Variants in CDH3 observed in about 807,000 individuals in gnomAD.
CDH3 encodes the protein cadherin 3.
A neutral mutation model predicts 82.0 loss-of-function variants in CDH3; 54 were observed. The observed-to-expected ratio is 0.66, with a 90% confidence interval of 0.53 to 0.83. The LOEUF is 0.83. CDH3 is among the 40% of genes least tolerant of loss of function. CDH3 has a pLI of 0.00. For synonymous variants in CDH3, 446 were observed against 437.9 expected (o/e 1.02, Z -0.23); for missense variants, 1,054 against 1,084.6 (o/e 0.97, Z 0.40).
intron 1 of CDH3, among the ~76,000 whole-genome samples, chr16:68,706,225 G>A (rs977196069): frequency 6.6e-6 from 1 of 152,140 alleles, no homozygotes. Flanking sequence ...ACAGTGATTG[G>A]GAGAGCCAGA....
intron 2 of CDH3, among the ~76,000 whole-genome samples, chr16:68,655,314 A>G (rs1960383888): frequency 6.6e-6 from 1 of 152,198 alleles, no homozygotes; most frequent in Admixed American, 6.5e-5. Context: ...ATGGTCATTC[A>G]GCCAACAAAT....
At chr16:68,683,314 T>G (rs1178765591) in intron 9 of CDH3, among the ~76,000 whole-genome samples, 2 of 152,100 alleles carry the variant, frequency 1.3e-5, no homozygotes, top group African/African-American at 2.4e-5. Context: ...ATAACTAACC[T>G]AACTCATTAT....
chr16:68,667,320 T>C (rs1307110607), intron 2 of CDH3, among the ~76,000 whole-genome samples: 2 of 152,200 alleles, frequency 1.3e-5, no homozygotes, highest in Non-Finnish European at 1.5e-5. Context: ...AATAGAAATT[T>C]CCTAGGCAAT....
chr16:68,656,503 T>C (rs763044295), intron 2 of CDH3, among the ~76,000 whole-genome samples: 1 of 151,712 alleles, frequency 6.6e-6, no homozygotes, highest in Non-Finnish European at 1.5e-5. Context: ...CTATGTACTT[T>C]ATGTAATAAG....
intron 15 of CDH3, chr16:68,696,946 A>T (rs945303412): frequency 6.7e-6 from 1 of 149,998 alleles, no homozygotes; most frequent in Non-Finnish European, 1.5e-5. Flanking sequence ...CCATGCCTCG[A>T]CCTCACATGC....
downstream of CDH3, among the ~76,000 whole-genome samples, chr16:68,731,990 C>T (rs982196634): frequency 6.6e-6 from 1 of 151,564 alleles, no homozygotes; most frequent in Non-Finnish European, 1.5e-5. Context: ...CCTGTGGTTT[C>T]ATTATACTAT....
At chr16:68,721,334 A>T (rs150394385) in intron 1 of CDH3, among the ~76,000 whole-genome samples, 1 of 144,108 alleles carries the variant, frequency 6.9e-6, no homozygotes, top group East Asian at 2.1e-4. Flanking sequence ...CCCAGTTTCC[A>T]GCAATTCTCC....
At chr16:68,713,552 G>T (rs1962057850) in intron 1 of CDH3, among the ~76,000 whole-genome samples, 1 of 152,010 alleles carries the variant, frequency 6.6e-6, no homozygotes, top group Non-Finnish European at 1.5e-5. Context: ...GAGCCTCCCA[G>T]CTGTGCTCCC....
chr16:68,683,765 A>T (rs954505875), intron 9 of CDH3, among the ~76,000 whole-genome samples: 1 of 149,120 alleles, frequency 6.7e-6, no homozygotes, highest in Non-Finnish European at 1.5e-5. Flanking sequence ...GTCTACGCTA[A>T]AAGTATAAAA....
At chr16:68,730,151 T>A (rs1962268799), downstream of CDH3, among the ~76,000 whole-genome samples, 1 of 151,716 alleles carries the variant, frequency 6.6e-6, no homozygotes, top group South Asian at 2.1e-4. Flanking sequence ...GAGGAACGCT[T>A]GCACCTGGGA....
intron 3 of CDH3, among the ~76,000 whole-genome samples, chr16:68,676,798 C>T (rs1427655739): frequency 6.6e-6 from 1 of 152,246 alleles, no homozygotes; most frequent in Non-Finnish European, 1.5e-5. Context: ...TTAACCCCAA[C>T]TGAAAGCAGC....
Position 68,698,385 on chromosome 16 carries a change from C to T in CDH3, c.2475C>T (p.Gly825=), listed in dbSNP as rs543214840. 125 of 1,614,008 alleles carry T rather than the reference C, an allele frequency of 7.7e-5. No individual in the cohort carries two copies. The highest frequency in any genetic ancestry group is 9.0e-5 in the Non-Finnish European group (106 of 1,179,968). The change falls in exon 16 of 16, where the codon GGC becomes GGT. Residue 825 remains glycine (G), a synonymous_variant. Transcript: ENST00000264012. ...AGAAGCTGGCAGACATGTACGGTGG[C>T]GGGGAGGACGACTAGGCGGCCTGCC... ...RFKKLADMYG[G]GEDD is the part of the protein sequence containing the mutation.
rs576298212 is a variant in CDH3 at position 68,646,667 on chromosome 16, T to C, written c.160+917T>C. On this transcript the variant is annotated intron_variant, in intron 2 of 15. Coordinates refer to ENST00000264012, the MANE Select transcript of CDH3 (RefSeq NM_001793.6). ...AATGGATGGGGGCTCCAGCAAGGGT[T>C]GAAACCTAGTTCTTAAACGGGTATA... Among the ~76,000 whole-genome samples, 11 of 66,360 alleles carry C rather than the reference T, an allele frequency of 1.7e-4. 1 individual carries two copies. The South Asian group carries it at 6.0e-3, about 36-fold the overall frequency. 43.5% of individuals were successfully genotyped at this position (66,360 alleles called of 152,430 possible).
At chr16:68,728,117 G>A (rs1255421351), downstream of CDH3, among the ~76,000 whole-genome samples, 8 of 151,956 alleles carry the variant, frequency 5.3e-5, no homozygotes, top group Non-Finnish European at 8.8e-5. Flanking sequence ...TAAATAAAAC[G>A]ATAAGTGTTT....
downstream of CDH3, among the ~76,000 whole-genome samples, chr16:68,731,385 A>T (rs1191879042): frequency 8.6e-4 from 8 of 9,350 alleles, no homozygotes; most frequent in Non-Finnish European, 1.9e-3. Flanking sequence ...AAAAAAAAAA[A>T]AAAAAAAAAA....
At chr16:68,695,699 G>A (rs1026906608) in intron 14 of CDH3, 78 bp from the exon 15 acceptor site, 45 of 1,508,434 alleles carry the variant, frequency 3.0e-5, no homozygotes, top group Non-Finnish European at 4.0e-5. Flanking sequence ...AGGGTAGGGG[G>A]TGTGGGGTGA....
intron 2 of CDH3, among the ~76,000 whole-genome samples, chr16:68,662,669 C>G (rs563041108): frequency 1.2e-4 from 18 of 151,150 alleles, no homozygotes; most frequent in African/African-American, 4.4e-4. Flanking sequence ...CTCAGCCTCC[C>G]GAGTAGCTGG....
intron 3 of CDH3, among the ~76,000 whole-genome samples, chr16:68,676,861 T>A (rs1961048628): frequency 6.6e-6 from 1 of 152,144 alleles, no homozygotes; most frequent in Admixed American, 6.6e-5. Flanking sequence ...ACATCTGGGG[T>A]GCTTGGCCAC....
At chr16:68,677,606 C>T (rs1385317945) in intron 3 of CDH3, among the ~76,000 whole-genome samples, 1 of 152,156 alleles carries the variant, frequency 6.6e-6, no homozygotes, top group Non-Finnish European at 1.5e-5. Flanking sequence ...GGCGTGGTGG[C>T]AGATGCCTGT....
Sources: allele counts gnomAD v4.1 joint callset (sites outside exome capture counted in the v4.1 genomes callset), GRCh38; gene constraint gnomAD v4.1.1; transcripts MANE v1.5; gene names NCBI Gene and HGNC (gene_info 2026-07-23, HGNC 2026-07-21).